The following HCRTR2 variants were observed in gnomAD, a reference collection of about 807,000 sequenced individuals.
HCRTR2 encodes hypocretin receptor 2, also known as orexin receptor type 2.
Under a neutral mutation model 49.0 loss-of-function variants are expected in HCRTR2, and 22 were observed. The observed-to-expected ratio is 0.45, with a 90% CI of 0.32 to 0.64. HCRTR2 has a LOEUF of 0.64. Ranked by LOEUF, HCRTR2 falls within the 30% of genes least tolerant of loss-of-function variation. The probability of loss-of-function intolerance (pLI) is 0.04; values close to 1 mark genes in which losing one functional copy is unlikely to be tolerated. For synonymous variants in HCRTR2, 236 were observed against 205.3 expected, an observed-to-expected ratio of 1.15 and a Z score of -1.28; for missense variants, 491 against 559.4, an observed-to-expected ratio of 0.88 and a Z score of 1.23.
At chr6:55,154,941 C>G (rs1404573666) in intron 1 of HCRTR2, among the ~76,000 whole-genome samples, 1 of 151,686 alleles carries the variant, frequency 6.6e-6, no homozygotes, top group Non-Finnish European at 1.5e-5. Flanking sequence ...TAGCAACAAA[C>G]TATTTCATAA....
intron 1 of HCRTR2, chr6:55,240,730 CAGCTT>C: frequency 2.7e-6 from 1 of 375,930 alleles, no homozygotes; most frequent in South Asian, 2.0e-5. Flanking sequence ...TACTCCTGGT[CAGCTT>C]CCCAGGTTCT....
chr6:55,271,763 T>G (rs1766977881), intron 4 of HCRTR2, among the ~76,000 whole-genome samples: 1 of 152,074 alleles, frequency 6.6e-6, no homozygotes, highest in Admixed American at 6.6e-5. Context: ...AATAAGCACA[T>G]AAGAAGGTGC....
intron 1 of HCRTR2, among the ~76,000 whole-genome samples, chr6:55,205,962 TCTA>T (rs1477334882): frequency 6.6e-6 from 1 of 152,032 alleles, no homozygotes; most frequent in Non-Finnish European, 1.5e-5. Flanking sequence ...AATATATACA[TCTA>T]CTATGTACCC....
At chr6:55,252,240 G>A (rs1036552577) in intron 2 of HCRTR2, among the ~76,000 whole-genome samples, 2 of 152,012 alleles carry the variant, frequency 1.3e-5, no homozygotes, top group Non-Finnish European at 2.9e-5. Flanking sequence ...TGTGATGAAG[G>A]GCAGTGCTCC....
At chr6:55,161,151 A>T (rs1488621317) in intron 1 of HCRTR2, among the ~76,000 whole-genome samples, 1 of 152,214 alleles carries the variant, frequency 6.6e-6, no homozygotes, top group East Asian at 1.9e-4. Flanking sequence ...CCACAGTGCA[A>T]TCAAATAAGA....
intron 1 of HCRTR2, among the ~76,000 whole-genome samples, chr6:55,195,231 C>T (rs1765388601): frequency 6.6e-6 from 1 of 151,994 alleles, no homozygotes; most frequent in African/African-American, 2.4e-5. Context: ...ATAGGAAACA[C>T]CTCAGAAAGG....
intron 4 of HCRTR2, among the ~76,000 whole-genome samples, chr6:55,266,903 T>A (rs1238058246): frequency 1.3e-5 from 2 of 152,166 alleles, no homozygotes; most frequent in Non-Finnish European, 2.9e-5. Flanking sequence ...TAAAATAAAT[T>A]GCATCACAGA....
chr6:55,195,962 A>C (rs1441964262), intron 1 of HCRTR2, among the ~76,000 whole-genome samples: 2 of 152,224 alleles, frequency 1.3e-5, no homozygotes, highest in Non-Finnish European at 2.9e-5. Flanking sequence ...ACAGAGCGAG[A>C]CTTCGTCTCA....
intron 1 of HCRTR2, among the ~76,000 whole-genome samples, chr6:55,139,075 A>G (rs940669409): frequency 1.3e-5 from 2 of 152,194 alleles, no homozygotes. Context: ...AGTTTCAGGC[A>G]CAAACATAGA....
chr6:55,229,545 A>T (rs1766074815), intron 1 of HCRTR2, among the ~76,000 whole-genome samples: 1 of 152,240 alleles, frequency 6.6e-6, no homozygotes, highest in Admixed American at 6.5e-5. Context: ...ATGGAATATT[A>T]TTCAGCCTTA....
chr6:55,251,385 A>C (rs961097380), intron 2 of HCRTR2, among the ~76,000 whole-genome samples: 14 of 152,156 alleles, frequency 9.2e-5, no homozygotes, highest in Non-Finnish European at 1.3e-4. Context: ...AATAATTAAA[A>C]TGACTCTTTT....
chr6:55,216,042 A>G (rs2127293867), intron 1 of HCRTR2, among the ~76,000 whole-genome samples: 1 of 152,298 alleles, frequency 6.6e-6, no homozygotes, highest in African/African-American at 2.4e-5. Context: ...CAAGAGCCAA[A>G]CTGGCTTTTA....
intron 1 of HCRTR2, among the ~76,000 whole-genome samples, chr6:55,123,067 G>A (rs1764224441): frequency 6.6e-6 from 1 of 151,674 alleles, no homozygotes; most frequent in Non-Finnish European, 1.5e-5. Context: ...ATGTACATAT[G>A]TAACAAACCT....
chr6:55,277,716 C>A, intron 5 of HCRTR2, 116 bp downstream of exon 5: 2 of 777,096 alleles, frequency 2.6e-6, no homozygotes, highest in Non-Finnish European at 2.1e-6. Context: ...GCTTAGATAC[C>A]TTGTCAGGCC....
At chr6:55,247,600 T>C (rs1766470607) in intron 1 of HCRTR2, among the ~76,000 whole-genome samples, 1 of 152,098 alleles carries the variant, frequency 6.6e-6, no homozygotes, top group South Asian at 2.1e-4. Context: ...AACCCATGAA[T>C]AGATGTGATG....
At position 55,255,395 on chromosome 6, in the gene HCRTR2, C is replaced by T. The variant is rs747969297; in HGVS notation, c.646+16C>T. On this transcript the variant is annotated intron_variant, in intron 3 of 6. Coordinates refer to ENST00000370862, the MANE Select transcript of HCRTR2 (RefSeq NM_001384272.1). ...CGCTGGGGTGGTAAGTACCTTATGG[C>T]CCATCAACTGACATTTATATTACAG... The T allele has an allele frequency of 1.9e-6, 3 of 1,613,612 alleles. No homozygotes were observed. Among genetic ancestry groups the T allele is most frequent in the South Asian group, 1.1e-5 (1 of 91,060 alleles).
chr6:55,240,805 G>GT (rs1475858421), intron 1 of HCRTR2: 2 of 418,940 alleles, frequency 4.8e-6, no homozygotes, highest in Non-Finnish European at 9.7e-6. Flanking sequence ...TTCAAGGTAG[G>GT]TTTTTTGAAA....
chr6:55,267,534 G>A (rs1029798868), intron 4 of HCRTR2, among the ~76,000 whole-genome samples: 5 of 150,690 alleles, frequency 3.3e-5, no homozygotes, highest in Non-Finnish European at 7.4e-5. Flanking sequence ...ATTTTTTCTA[G>A]TTCAGACCCT....
chr6:55,237,617 G>C (rs12055778), intron 1 of HCRTR2, among the ~76,000 whole-genome samples: 28,183 of 152,080 alleles, frequency 0.19, 2,922 homozygotes, highest in Non-Finnish European at 0.24. Context: ...GAAGAAAAGA[G>C]GCTAAATGCC....
Sources: gnomAD v4.1 joint callset for allele counts (sites outside exome capture counted in the v4.1 genomes callset) on GRCh38, gnomAD v4.1.1 for gene constraint, MANE v1.5 for transcripts, NCBI Gene and HGNC (gene_info 2026-07-23, HGNC 2026-07-21) for gene names.